The following MYO16 variants were observed in gnomAD, a reference collection of about 807,000 sequenced individuals.
MYO16 encodes the protein unconventional myosin-XVI.
Under a neutral mutation model 205.3 loss-of-function variants are expected in MYO16, and 94 were observed. The observed-to-expected ratio is 0.46, with a 90% CI of 0.39 to 0.54. The LOEUF (loss-of-function observed/expected upper bound fraction) is 0.54. MYO16 is among the 20% of genes least tolerant of loss of function. The pLI is 0.00. For missense variants in MYO16, 2,315 were observed against 2,387.5 expected (o/e 0.97, Z 0.63); for synonymous variants, 988 against 954.0 (o/e 1.04, Z -0.66).
chr13:108,782,798 G>A (rs949774602), intron 4 of MYO16, among the ~76,000 whole-genome samples: 1 of 152,186 alleles, frequency 6.6e-6, no homozygotes, highest in Non-Finnish European at 1.5e-5. Flanking sequence ...GGCTTCAGAG[G>A]GTGGAAGCCC....
At position 108,960,674 on chromosome 13, in the gene MYO16, C is replaced by T. The variant is rs892826053; in HGVS notation, c.2038-865C>T. Among the ~76,000 whole-genome samples, 6 of 152,218 alleles carry T rather than the reference C, an allele frequency of 3.9e-5. No individual in the cohort carries two copies. In the East Asian group the frequency reaches 1.2e-3, roughly 29 times the overall value. ...AAATTACAGATTAGGAGACTGAGAA[C>T]AGAACAGGCTATGCCACTTGCCCTT... On this transcript the variant is annotated intron_variant, in intron 17 of 34. Coordinates refer to ENST00000457511, the MANE Select transcript of MYO16 (RefSeq NM_001198950.3).
intron 29 of MYO16, among the ~76,000 whole-genome samples, chr13:109,124,706 C>T (rs1406690406): frequency 6.6e-6 from 1 of 152,130 alleles, no homozygotes; most frequent in Non-Finnish European, 1.5e-5. Context: ...CATGATATTT[C>T]CAAAGACAAA....
intron 3 of MYO16, among the ~76,000 whole-genome samples, chr13:108,714,612 G>GTGTGTA (rs1419918356): frequency 5.1e-4 from 72 of 140,930 alleles, no homozygotes; most frequent in Non-Finnish European, 7.3e-4. Flanking sequence ...GTGTGTGTGT[G>GTGTGTA]TATATATATA....
chr13:109,192,701 A>ACAGAATCCTCCAAGACT (rs1418745484), intron 34 of MYO16, among the ~76,000 whole-genome samples: 3 of 152,134 alleles, frequency 2.0e-5, no homozygotes, highest in Non-Finnish European at 2.9e-5. Context: ...AAAGCTGGAT[A>ACAGAATCCTCCAAGACT]CAGAATCCTC....
chr13:108,834,638 ACTCTCTCT>A (rs67472762), intron 9 of MYO16, among the ~76,000 whole-genome samples: 9 of 90,286 alleles, frequency 1.0e-4, no homozygotes, highest in East Asian at 2.2e-4. Context: ...TCAGTCTTGT[ACTCTCTCT>A]CTCTCTCTCT....
rs2139546897 is a variant in MYO16 at position 108,711,732 on chromosome 13, C to A, written c.293-929C>A. 1.3e-5 allele frequency among the ~76,000 whole-genome samples: 2 copies of A among 152,322 alleles called. 1 individual carries two copies. The highest frequency in any genetic ancestry group is 4.1e-4 in the South Asian group (2 of 4,830). ...AAGAAGGCCCCTTCAGGCAACATTTCAAGTTACAGATAAAGTTAATGGGAA... is the reference window on the plus strand; with the variant it reads ...AAGAAGGCCCCTTCAGGCAACATTTAAAGTTACAGATAAAGTTAATGGGAA... On this transcript the variant is annotated intron_variant, in intron 2 of 34. Coordinates refer to ENST00000457511, the MANE Select transcript of MYO16 (RefSeq NM_001198950.3).
At chr13:108,972,108 G>A (rs1386652360) in intron 20 of MYO16, among the ~76,000 whole-genome samples, 3 of 145,566 alleles carry the variant, frequency 2.1e-5, no homozygotes, top group Non-Finnish European at 4.5e-5. Context: ...CTTGGGAACT[G>A]CTGAGGTGGG....
At chr13:108,845,070 A>T (rs1034662919) in intron 10 of MYO16, among the ~76,000 whole-genome samples, 2 of 152,136 alleles carry the variant, frequency 1.3e-5, no homozygotes, top group South Asian at 4.1e-4. Flanking sequence ...ATGGCCACAG[A>T]AATAAATGAT....
chr13:109,177,422 C>T (rs1879252784), intron 33 of MYO16, among the ~76,000 whole-genome samples: 1 of 152,204 alleles, frequency 6.6e-6, no homozygotes, highest in South Asian at 2.1e-4. Context: ...GCTCAGCAGG[C>T]TATCGATTCC....
the MYO16 span, among the ~76,000 whole-genome samples, chr13:108,562,353 A>G: frequency 1.3e-5 from 2 of 152,106 alleles, no homozygotes; most frequent in African/African-American, 4.8e-5. Flanking sequence ...ATTTCAACAT[A>G]TGAATTTTTT....
At chr13:108,623,802 C>G (rs563996144) in intron 1 of MYO16, among the ~76,000 whole-genome samples, 2 of 152,022 alleles carry the variant, frequency 1.3e-5, no homozygotes, top group Non-Finnish European at 1.5e-5. Flanking sequence ...ACTCAAATAA[C>G]GAGTTACCTA....
At chr13:108,585,790 C>T in the MYO16 span, among the ~76,000 whole-genome samples, 1 of 152,118 alleles carries the variant, frequency 6.6e-6, no homozygotes, top group Non-Finnish European at 1.5e-5. Context: ...TATGACATGA[C>T]TCCCTAGACC....
At chr13:108,954,465 G>A (rs9587732) in intron 16 of MYO16, among the ~76,000 whole-genome samples, 2,106 of 152,250 alleles carry the variant, frequency 0.014, 58 homozygotes, top group African/African-American at 0.047. Context: ...TAGGGCCAGC[G>A]TGTGGTGGCT....
At chr13:108,931,559 G>A (rs1882256309) in intron 16 of MYO16, among the ~76,000 whole-genome samples, 1 of 152,156 alleles carries the variant, frequency 6.6e-6, no homozygotes, top group East Asian at 1.9e-4. Flanking sequence ...TATCTGTACT[G>A]TGGAATTCAT....
rs929975584 is a variant in MYO16, at chr13:108,763,664, T to C, written c.508-21971T>C. ...AAGCAAACACCAGTTAACGAAATCTTTTTGTGTGAGAGGGCCACGAGTTCC... is the reference window on the plus strand; with the variant it reads ...AAGCAAACACCAGTTAACGAAATCTCTTTGTGTGAGAGGGCCACGAGTTCC... On this transcript the variant is annotated intron_variant, in intron 4 of 34. Transcript: ENST00000457511. Among the ~76,000 whole-genome samples, 7 of 151,998 alleles carry C rather than the reference T, an allele frequency of 4.6e-5. 1 individual carries two copies. Among genetic ancestry groups the C allele is most frequent in the Non-Finnish European group, 1.0e-4 (7 of 67,994 alleles).
At chr13:108,622,723 C>A (rs570295107) in intron 1 of MYO16, among the ~76,000 whole-genome samples, 1 of 151,842 alleles carries the variant, frequency 6.6e-6, no homozygotes, top group African/African-American at 2.4e-5. Context: ...AGAGGAGAGG[C>A]CAAAATAGGC....
chr13:108,962,288 G>A, intron 18 of MYO16, 136 bp from the exon 19 acceptor site: 1 of 632,734 alleles, frequency 1.6e-6, no homozygotes, highest in East Asian at 2.9e-5. Context: ...GACAATTACA[G>A]TGGTAATGAC....
upstream of MYO16, among the ~76,000 whole-genome samples, chr13:108,592,538 G>A (rs866338004): frequency 4.1e-4 from 50 of 122,122 alleles, no homozygotes; most frequent in Middle Eastern, 4.6e-3. Context: ...GTGGGTGGGG[G>A]AAATGTGGGG....
chr13:109,160,037 G>A (rs1212171493), intron 32 of MYO16, among the ~76,000 whole-genome samples: 1 of 152,212 alleles, frequency 6.6e-6, no homozygotes, highest in East Asian at 1.9e-4. Context: ...TTCTGAGCTG[G>A]ATACTATAAT....
Sources: gnomAD v4.1 joint callset for allele counts (sites outside exome capture counted in the v4.1 genomes callset) on GRCh38, gnomAD v4.1.1 for gene constraint, MANE v1.5 for transcripts, NCBI Gene and HGNC (gene_info 2026-07-23, HGNC 2026-07-21) for gene names.